VAV1: variants seen among roughly 807,000 people sequenced by gnomAD.
VAV1 encodes vav guanine nucleotide exchange factor 1, also known as proto-oncogene vav.
A neutral mutation model predicts 128.1 loss-of-function variants in VAV1; 33 were observed. The observed-to-expected ratio is 0.26, with a 90% CI of 0.20 to 0.34. VAV1 has a LOEUF of 0.34. VAV1 is among the 10% of genes least tolerant of loss of function. VAV1 has a pLI of 1.00. For missense variants in VAV1, 715 were observed against 1,093.7 expected (o/e 0.65, Z 4.88); for synonymous variants, 394 against 409.8 (o/e 0.96, Z 0.47).
intron 14 of VAV1, 57 bp downstream of exon 14, chr19:6,829,975 C>T (rs1179348707): frequency 1.2e-6 from 2 of 1,609,420 alleles, no homozygotes; most frequent in East Asian, 2.2e-5. Context: ...GCTTAGCCCT[C>T]TCCACTTGGG....
At chr19:6,790,956 C>G (rs1176046022) in intron 1 of VAV1, among the ~76,000 whole-genome samples, 3 of 152,182 alleles carry the variant, frequency 2.0e-5, no homozygotes, top group Non-Finnish European at 4.4e-5. Flanking sequence ...CCTGTTTCAG[C>G]TAGTCCTCAA....
At chr19:6,838,972 G>A (rs962773531) in intron 21 of VAV1, among the ~76,000 whole-genome samples, 4 of 151,814 alleles carry the variant, frequency 2.6e-5, no homozygotes, top group African/African-American at 7.3e-5. Flanking sequence ...GGGTGATCTC[G>A]GCTCATTGCA....
At chr19:6,798,284 A>T (rs916828768) in intron 1 of VAV1, among the ~76,000 whole-genome samples, 7 of 151,856 alleles carry the variant, frequency 4.6e-5, no homozygotes, top group East Asian at 3.9e-4. Flanking sequence ...CTCAAAAAAA[A>T]ATATATGATT....
chr19:6,798,291 G>C (rs907643934), intron 1 of VAV1, among the ~76,000 whole-genome samples: 69 of 151,716 alleles, frequency 4.5e-4, no homozygotes, highest in African/African-American at 1.6e-3. Flanking sequence ...AAAAATATAT[G>C]ATTTGGTAAA....
chr19:6,828,243 T>C lies in VAV1; in HGVS notation c.1023+72T>C. 1 of 1,580,102 alleles carries C rather than the reference T, an allele frequency of 6.3e-7. No homozygotes were observed. Among genetic ancestry groups the C allele is most frequent in the South Asian group, 1.1e-5 (1 of 89,222 alleles). Reference sequence around the variant, plus strand: ...GTGTCTATAAAAGTGGGGACGGGGCTGGCTTCTGGGGGTTGGGTCTCTAGG... The same window carrying C: ...GTGTCTATAAAAGTGGGGACGGGGCCGGCTTCTGGGGGTTGGGTCTCTAGG... On this transcript the variant is annotated intron_variant, in intron 10 of 26. Coordinates refer to ENST00000602142, the MANE Select transcript of VAV1 (RefSeq NM_005428.4). This position sits in a 1 kb window ranked among gnomAD's most constrained non-coding sequence, Gnocchi z 4.5.
In VAV1 at chr19:6,842,034, C is replaced by T. The variant is rs1298418947; in HGVS notation, c.1981-1101C>T. Among the ~76,000 whole-genome samples, 6 of 151,476 alleles carry T rather than the reference C, an allele frequency of 4.0e-5. No homozygotes were observed. The East Asian group carries it at 1.2e-3, about 30-fold the overall frequency. Reference sequence around the variant, plus strand: ...TGAGCTCGGGAGTTTGAGACCAGCCCGACCAACATGGAAGAAACCCCATCT... The same window carrying T: ...TGAGCTCGGGAGTTTGAGACCAGCCTGACCAACATGGAAGAAACCCCATCT... On this transcript the variant is annotated intron_variant, in intron 21 of 26. Coordinates refer to ENST00000602142, the MANE Select transcript of VAV1 (RefSeq NM_005428.4).
chr19:6,821,197 C>T (rs914181768), intron 2 of VAV1, among the ~76,000 whole-genome samples: 2 of 152,020 alleles, frequency 1.3e-5, no homozygotes, highest in Admixed American at 6.6e-5. Context: ...GTCAGGAGAT[C>T]GATTCCACCC....
intron 1 of VAV1, among the ~76,000 whole-genome samples, chr19:6,807,978 A>T (rs1971430873): frequency 7.6e-6 from 1 of 130,962 alleles, no homozygotes; most frequent in African/African-American, 3.1e-5. Context: ...TGACAGAGTG[A>T]GACTCTGTCT....
chr19:6,811,895 T>C (rs1971520245), intron 1 of VAV1, among the ~76,000 whole-genome samples: 1 of 152,182 alleles, frequency 6.6e-6, no homozygotes, highest in African/African-American at 2.4e-5. Flanking sequence ...GTCGGGGGGC[T>C]TTTCCCCGCA....
chr19:6,829,841 T>TTGAGGTC lies in VAV1; in HGVS notation c.1321_1322insTGAGGTC (p.Tyr441LeufsTer4). 1 of 1,614,208 alleles carries TTGAGGTC rather than the reference T, an allele frequency of 6.2e-7. No homozygotes were observed. The highest frequency in any genetic ancestry group is 1.1e-5 in the South Asian group (1 of 91,088). ...CATCTGTAAGCGCAGGGGAGACTCCTATGACCTCAAGGACTTTGTAAACCT... is the reference window on the plus strand; with the variant it reads ...CATCTGTAAGCGCAGGGGAGACTCCTTGAGGTCATGACCTCAAGGACTTTGTAAACCT... On this transcript the variant is annotated frameshift_variant, in exon 14 of 27. Coordinates refer to ENST00000602142, the MANE Select transcript of VAV1 (RefSeq NM_005428.4). LOFTEE classifies it high-confidence loss of function.
rs192599469 is a variant in VAV1, at chr19:6,772,787, G to C, written c.-21G>C. Reference sequence around the variant, plus strand: ...GTGGAGGCTGCGAGGGTGCACGGCCGGCCCTGGGCAGGCGGTAGCCATGGA... The same window carrying C: ...GTGGAGGCTGCGAGGGTGCACGGCCCGCCCTGGGCAGGCGGTAGCCATGGA... On this transcript the variant is annotated 5_prime_UTR_variant, in exon 1 of 27. Coordinates refer to ENST00000602142, the MANE Select transcript of VAV1 (RefSeq NM_005428.4). The surrounding 1 kb of genome is among the most constrained non-coding windows in gnomAD (Gnocchi z 4.8). 2 of 1,608,156 alleles carry C rather than the reference G, an allele frequency of 1.2e-6. No homozygotes were observed. Among genetic ancestry groups the C allele is most frequent in the Non-Finnish European group, 1.7e-6 (2 of 1,177,484 alleles).
chr19:6,814,673 T>TTCCTTCCTTCCTTCCTTTCC (rs1568299203), intron 1 of VAV1, among the ~76,000 whole-genome samples: 1 of 93,006 alleles, frequency 1.1e-5, no homozygotes, highest in African/African-American at 5.5e-5. Flanking sequence ...CCTTCCTTCC[T>TTCCTTCCTTCCTTCCTTTCC]TTCTTTCTTT....
chr19:6,845,862 A>C (rs576033216), intron 22 of VAV1, among the ~76,000 whole-genome samples: 1 of 148,032 alleles, frequency 6.8e-6, no homozygotes, highest in South Asian at 2.2e-4. Context: ...ATATTATACC[A>C]TATATCATAG....
At position 6,822,546 on chromosome 19, in the gene VAV1, G is replaced by T. The variant is rs1488918025; in HGVS notation, c.654+32G>T. The T allele has an allele frequency of 4.6e-6, 7 of 1,537,072 alleles. No homozygotes were observed. The highest frequency in any genetic ancestry group is 6.1e-6 in the Non-Finnish European group (7 of 1,142,878). On this transcript the variant is annotated intron_variant, in intron 6 of 26. Coordinates refer to ENST00000602142, the MANE Select transcript of VAV1 (RefSeq NM_005428.4). This position sits in a 1 kb window ranked among gnomAD's most constrained non-coding sequence, Gnocchi z 5.9. ...GCCTCCCACCCAGCGCCTGCCGGGC[G>T]CATGCGCGGGAGCTGGGCCGGCAGG... is the stretch of plus-strand genomic sequence containing the variant.
chr19:6,838,318 T>G (rs1447385991), intron 21 of VAV1, among the ~76,000 whole-genome samples: 1 of 151,668 alleles, frequency 6.6e-6, no homozygotes, highest in East Asian at 1.9e-4. Context: ...TATCTATCTA[T>G]CTATCTATCT....
chr19:6,829,970 G>C (rs1232722840), intron 14 of VAV1, 52 bp downstream of exon 14: 1 of 1,610,904 alleles, frequency 6.2e-7, no homozygotes. Flanking sequence ...CGGCAGCTTA[G>C]CCCTCTCCAC....
At chr19:6,812,399 G>A (rs1395929375) in intron 1 of VAV1, among the ~76,000 whole-genome samples, 1 of 152,218 alleles carries the variant, frequency 6.6e-6, no homozygotes, top group East Asian at 1.9e-4. Flanking sequence ...TCACACCTGT[G>A]ATCCCAGCAC....
rs1185568711 is a variant in VAV1, at chr19:6,777,222, T to C, written c.204+4211T>C. On this transcript the variant is annotated intron_variant, in intron 1 of 26. Coordinates refer to ENST00000602142, the MANE Select transcript of VAV1 (RefSeq NM_005428.4). The surrounding 1 kb of genome is among the most constrained non-coding windows in gnomAD (Gnocchi z 4.4). ...CCATCCATTCATTCATCCATCCATTTATCTGTTTAACTATCCATCCATCCA... is the reference window on the plus strand; with the variant it reads ...CCATCCATTCATTCATCCATCCATTCATCTGTTTAACTATCCATCCATCCA... 7.0e-6 allele frequency among the ~76,000 whole-genome samples: 1 copy of C among 142,536 alleles called. No individual in the cohort carries two copies. Among genetic ancestry groups the C allele is most frequent in the East Asian group, 2.1e-4 (1 of 4,744 alleles). The allele number at this position is 142,536 out of a possible 152,430, so 93.5% of individuals were successfully genotyped here.
At chr19:6,843,268 T>C in intron 22 of VAV1, 102 bp downstream of exon 22, 1 of 1,354,396 alleles carries the variant, frequency 7.4e-7, no homozygotes, top group Non-Finnish European at 1.1e-6. Context: ...ATGCATTCTG[T>C]GATCCCTGAG....
Sources: gnomAD v4.1 joint callset for allele counts (sites outside exome capture counted in the v4.1 genomes callset) on GRCh38, gnomAD v4.1.1 for gene constraint, Gnocchi (gnomAD v3.1) non-coding constraint, MANE v1.5 for transcripts, NCBI Gene and HGNC (gene_info 2026-07-23, HGNC 2026-07-21) for gene names.